Variants in MALRD1 observed in about 807,000 individuals in gnomAD.
MALRD1 encodes the protein MAM and LDL receptor class A domain containing 1, also known as MAM and LDL-receptor class A domain-containing protein 1.
A neutral mutation model predicts 242.1 loss-of-function variants in MALRD1; 247 were observed. That is an observed-to-expected ratio of 1.02 (90% CI 0.92 to 1.13). The LOEUF is 1.13. Ranked by LOEUF, MALRD1 falls within the 50% of genes most tolerant of loss-of-function variation. The pLI is 0.00. For missense variants in MALRD1, 2,989 were observed against 2,533.1 expected (o/e 1.18, Z -3.86); for synonymous variants, 995 against 866.6 (o/e 1.15, Z -2.60).
chr10:19,055,622 T>C (rs1260086501), intron 1 of MALRD1, among the ~76,000 whole-genome samples: 1 of 152,352 alleles, frequency 6.6e-6, no homozygotes, highest in South Asian at 2.1e-4. Context: ...CATCTGCATA[T>C]GGATGTCCAG....
At chr10:19,330,174 G>T (rs1355838429) in intron 23 of MALRD1, among the ~76,000 whole-genome samples, 17 of 151,092 alleles carry the variant, frequency 1.1e-4, no homozygotes, top group African/African-American at 4.1e-4. Context: ...TTCTTTCCAA[G>T]CTCACCTACT....
At chr10:19,734,070 C>A in intron 39 of MALRD1, 87 bp from the exon 40 acceptor site, 1 of 1,034,556 alleles carries the variant, frequency 9.7e-7, no homozygotes. Flanking sequence ...CCATTGGGAC[C>A]TTTGCTGCAT....
chr10:19,273,201 A>C (rs1395409897), intron 19 of MALRD1, among the ~76,000 whole-genome samples: 1 of 152,204 alleles, frequency 6.6e-6, no homozygotes, highest in East Asian at 1.9e-4. Context: ...AATAATTTTC[A>C]TAATTTCCAT....
At chr10:19,324,541 CATAA>C (rs1279191626) in intron 22 of MALRD1, among the ~76,000 whole-genome samples, 2 of 150,742 alleles carry the variant, frequency 1.3e-5, no homozygotes, top group African/African-American at 2.4e-5. Context: ...GTTTTAAACT[CATAA>C]ATGTTTCACG....
intron 38 of MALRD1, among the ~76,000 whole-genome samples, chr10:19,709,529 A>G (rs1834013874): frequency 6.6e-6 from 1 of 152,290 alleles, no homozygotes; most frequent in Middle Eastern, 3.4e-3. Context: ...CACACCCACA[A>G]CATAATGGGA....
intron 26 of MALRD1, among the ~76,000 whole-genome samples, chr10:19,386,985 T>C (rs985778449): frequency 1.3e-5 from 2 of 152,162 alleles, no homozygotes; most frequent in Non-Finnish European, 2.9e-5. Flanking sequence ...TATAGACAAA[T>C]AAATATGCAT....
intron 34 of MALRD1, among the ~76,000 whole-genome samples, chr10:19,601,284 A>G (rs895355637): frequency 2.0e-5 from 3 of 152,096 alleles, no homozygotes; most frequent in Admixed American, 6.6e-5. Flanking sequence ...TTTTCCATGA[A>G]TTTTATGTGT....
chr10:19,667,927 G>C (rs1280535667), intron 36 of MALRD1, among the ~76,000 whole-genome samples: 1 of 152,132 alleles, frequency 6.6e-6, no homozygotes, highest in Non-Finnish European at 1.5e-5. Flanking sequence ...GGCAGATTCA[G>C]TGTCTGTTGT....
At chr10:19,521,235 C>T (rs1833867893) in intron 31 of MALRD1, among the ~76,000 whole-genome samples, 2 of 152,038 alleles carry the variant, frequency 1.3e-5, no homozygotes, top group Non-Finnish European at 2.9e-5. Flanking sequence ...TATTTACAGA[C>T]TCTATTTCCT....
intron 18 of MALRD1, among the ~76,000 whole-genome samples, chr10:19,222,738 C>T (rs979744152): frequency 3.9e-5 from 6 of 152,066 alleles, no homozygotes; most frequent in African/African-American, 1.4e-4. Context: ...TTAGATTTGT[C>T]TTTTCTCTGC....
chr10:19,626,092 A>G (rs868711771), intron 36 of MALRD1, among the ~76,000 whole-genome samples: 1 of 152,116 alleles, frequency 6.6e-6, no homozygotes, highest in Non-Finnish European at 1.5e-5. Flanking sequence ...AGGGTGGTGC[A>G]TTATTTTCAA....
chr10:19,663,795 A>AG (rs199815602), intron 36 of MALRD1, among the ~76,000 whole-genome samples: 2 of 151,482 alleles, frequency 1.3e-5, no homozygotes, highest in Admixed American at 1.3e-4. Context: ...GAGAAATGGG[A>AG]GTTTTTTTTT....
chr10:19,204,263 C>A, intron 15 of MALRD1, 45 bp from the exon 16 acceptor site: 1 of 1,202,386 alleles, frequency 8.3e-7, no homozygotes, highest in Non-Finnish European at 1.2e-6. Context: ...ATTTTAGAAT[C>A]CAATAGGTTA....
Position 19,049,023 on chromosome 10 carries a change from A to T in MALRD1, c.85A>T (p.Thr29Ser). 1 of 1,233,898 alleles carries T rather than the reference A, an allele frequency of 8.1e-7. No individual in the cohort carries two copies. The highest frequency in any genetic ancestry group is 2.1e-4 in the Middle Eastern group (1 of 4,840). 76.4% of individuals were successfully genotyped at this position (1,233,898 alleles called of 1,614,324 possible). ...TTGGATTGCCTGTGTTTTCAATTCTACACTGGCTCAGCAAGGGACAGAAAG... is the reference window on the plus strand; with the variant it reads ...TTGGATTGCCTGTGTTTTCAATTCTTCACTGGCTCAGCAAGGGACAGAAAG... ...CLWIACVFNS[T>S]LAQQGTESFQ... Residue 29 changes from threonine to serine, a missense_variant, in exon 1 of 40, where the codon ACA (threonine) becomes TCA (serine). Transcript: ENST00000454679.
At chr10:19,228,339 T>C (rs926609708) in intron 18 of MALRD1, among the ~76,000 whole-genome samples, 3 of 152,098 alleles carry the variant, frequency 2.0e-5, no homozygotes, top group Admixed American at 2.0e-4. Context: ...CTCTAGAAAA[T>C]GCAAACTGTA....
intron 12 of MALRD1, among the ~76,000 whole-genome samples, chr10:19,162,701 T>C (rs1198159970): frequency 6.6e-6 from 1 of 152,172 alleles, no homozygotes; most frequent in Non-Finnish European, 1.5e-5. Context: ...AGTATGCTTA[T>C]ACACTGTTGA....
chr10:19,473,710 A>G (rs939388471), intron 29 of MALRD1, among the ~76,000 whole-genome samples: 5 of 151,990 alleles, frequency 3.3e-5, no homozygotes, highest in African/African-American at 1.2e-4. Flanking sequence ...CATATACCAC[A>G]TTTTGTTTAT....
At chr10:19,419,209 A>G (rs1317092493) in intron 28 of MALRD1, among the ~76,000 whole-genome samples, 1 of 152,082 alleles carries the variant, frequency 6.6e-6, no homozygotes, top group East Asian at 1.9e-4. Flanking sequence ...GGTTTAAAAC[A>G]TGGTCCTCTT....
At chr10:19,485,637 C>T (rs1198170900) in intron 29 of MALRD1, among the ~76,000 whole-genome samples, 3 of 109,808 alleles carry the variant, frequency 2.7e-5, no homozygotes, top group South Asian at 7.6e-4. Flanking sequence ...AGCAAGACTC[C>T]GTCTCAATTA....
Sources: gnomAD v4.1 joint callset for allele counts (sites outside exome capture counted in the v4.1 genomes callset) on GRCh38, gnomAD v4.1.1 for gene constraint, MANE v1.5 for transcripts, NCBI Gene and HGNC (gene_info 2026-07-23, HGNC 2026-07-21) for gene names.